The following RSRP1 variants were observed in gnomAD, a reference collection of about 807,000 sequenced individuals.
The protein encoded by RSRP1 is arginine/serine-rich protein 1.
Under a neutral mutation model 33.0 loss-of-function variants are expected in RSRP1, and 37 were observed. The ratio of observed to expected loss-of-function variants is 1.12; its 90% CI spans 0.86 to 1.48. The LOEUF (loss-of-function observed/expected upper bound fraction) is 1.48, where lower values mean the gene tolerates loss of function less well. Among genes scored for constraint, RSRP1 ranks in the 40% most tolerant of loss-of-function variants. The pLI, the probability that RSRP1 is intolerant of heterozygous loss-of-function variation, is 0.00. For synonymous variants in RSRP1, 167 were observed against 158.7 expected (o/e 1.05, Z -0.40); for missense variants, 402 against 385.3 (o/e 1.04, Z -0.36).
chr1:25,324,641 G>A (rs1400314580), intron 1 of RSRP1, among the ~76,000 whole-genome samples: 4 of 150,154 alleles, frequency 2.7e-5, no homozygotes, highest in South Asian at 2.1e-4. Flanking sequence ...CAACCACAAG[G>A]GAATGTGTGA....
At chr1:25,257,089 G>T (rs1639971906) in intron 1 of RSRP1, among the ~76,000 whole-genome samples, 1 of 152,172 alleles carries the variant, frequency 6.6e-6, no homozygotes, top group South Asian at 2.1e-4. Flanking sequence ...AAGTGGAACA[G>T]CTAGGTCGAA....
At position 25,270,087 on chromosome 1, in the gene RSRP1, G is replaced by A. The variant is rs1471345073; in HGVS notation, c.-66-23058C>T. Among the ~76,000 whole-genome samples the A allele has an allele frequency of 4.5e-5, 6 of 131,898 alleles. 2 individuals carry two copies. Among genetic ancestry groups the A allele is most frequent in the African/African-American group, 7.8e-5 (3 of 38,596 alleles). The allele number at this position is 131,898 out of a possible 152,430, so 86.5% of individuals were successfully genotyped here. On this transcript the variant is annotated intron_variant, in intron 1 of 1. Transcript: ENST00000561867. ...AGGTCACATCCATTTATCCCACTGC[G>A]CAGAGGAGTTCCTTCTCAGGAAACC... is the stretch of plus-strand genomic sequence containing the variant.
chr1:25,332,041 A>ATT lies in RSRP1; in HGVS notation c.-67+5935_-67+5936dup, dbSNP rs1270998323. Among the ~76,000 whole-genome samples, 32 of 94,806 alleles carry ATT rather than the reference A, an allele frequency of 3.4e-4. 1 individual carries two copies. The highest frequency in any genetic ancestry group is 1.0e-3 in the African/African-American group (29 of 28,080). 62.2% of individuals were successfully genotyped at this position (94,806 alleles called of 152,430 possible). A position where few individuals can be genotyped will look rare whatever the true frequency, so the allele number is the denominator to read the frequency against. On this transcript the variant is annotated intron_variant, in intron 1 of 1. Transcript: ENST00000561867. Reference sequence around the variant, plus strand: ...AGGCATGAGCCACCGCGCCCAGCAGATTTTTTTTTTTTTTTTTGAGATGGA... The same window carrying ATT: ...AGGCATGAGCCACCGCGCCCAGCAGATTTTTTTTTTTTTTTTTTTGAGATGGA...
intron 1 of RSRP1, chr1:25,337,091 T>G (rs1645093784): frequency 5.9e-6 from 1 of 169,544 alleles, no homozygotes; most frequent in South Asian, 1.6e-4. Context: ...TTCCTGGATC[T>G]CTCCCTTCAC....
intron 1 of RSRP1, among the ~76,000 whole-genome samples, chr1:25,330,737 T>C (rs2765572): frequency 2.3e-5 from 3 of 131,176 alleles, no homozygotes; most frequent in Non-Finnish European, 5.4e-5. Flanking sequence ...TGTATTAGTC[T>C]GCTTGGGCTA....
chr1:25,247,129 C>G, intron 1 of RSRP1, 100 bp from the exon 2 acceptor site: 3 of 751,800 alleles, frequency 4.0e-6, no homozygotes, highest in Non-Finnish European at 5.9e-6. Flanking sequence ...GGAGCCACGG[C>G]GCGGGCGGCG....
rs1334633828 is a variant in RSRP1 at position 25,277,824 on chromosome 1, G to A, written c.-66-30795C>T. 4.0e-5 allele frequency among the ~76,000 whole-genome samples: 5 copies of A among 124,080 alleles called. 1 individual carries two copies. The highest frequency in any genetic ancestry group is 9.5e-5 in the Non-Finnish European group (5 of 52,712). The allele number at this position is 124,080 out of a possible 152,430, so 81.4% of individuals were successfully genotyped here. A position where few individuals can be genotyped will look rare whatever the true frequency, so the allele number is the denominator to read the frequency against. ...CGAGTAGCTGGGATTACAGGCATGC[G>A]CCACCACGCCCGGCTAATTTTGTAT... On this transcript the variant is annotated intron_variant, in intron 1 of 1. Coordinates refer to the RSRP1 transcript ENST00000561867.
chr1:25,244,126 G>C, intron 3 of RSRP1: 1 of 1,282,602 alleles, frequency 7.8e-7, no homozygotes, highest in Non-Finnish European at 1.0e-6. Context: ...GAAAAGTACA[G>C]TGCAATTTGC....
intron 1 of RSRP1, among the ~76,000 whole-genome samples, chr1:25,268,505 T>C (rs1640393491): frequency 7.8e-6 from 1 of 129,010 alleles, no homozygotes; most frequent in African/African-American, 2.6e-5. Context: ...GGTGACAGAG[T>C]ACTCCGTCTA....
intron 1 of RSRP1, among the ~76,000 whole-genome samples, chr1:25,316,269 A>G (rs2427767): frequency 0.2 from 25,028 of 127,862 alleles, 7,068 homozygotes; most frequent in Admixed American, 0.28. Flanking sequence ...GCCAAGCTCT[A>G]CCCCACCCAC....
intron 2 of RSRP1, among the ~76,000 whole-genome samples, chr1:25,246,228 C>T (rs868069170): frequency 6.6e-6 from 1 of 152,182 alleles, no homozygotes; most frequent in East Asian, 1.9e-4. Context: ...AAAAAAAGTT[C>T]CCTACATCCT....
At chr1:25,284,579 A>T in intron 1 of RSRP1, 2 of 1,389,114 alleles carry the variant, frequency 1.4e-6, no homozygotes, top group Non-Finnish European at 2.0e-6. Flanking sequence ...GCAGTTGGCC[A>T]AGATCTGACC....
intron 1 of RSRP1, among the ~76,000 whole-genome samples, chr1:25,323,585 G>A (rs1254628587): frequency 1.6e-5 from 2 of 124,614 alleles, no homozygotes; most frequent in East Asian, 4.0e-4. Context: ...TCAGCCTCCT[G>A]AGTAGCTAGG....
chr1:25,257,941 G>C, intron 1 of RSRP1, among the ~76,000 whole-genome samples: 1 of 152,070 alleles, frequency 6.6e-6, no homozygotes, highest in East Asian at 1.9e-4. Flanking sequence ...AGACTTTGGG[G>C]AGCCATGAGT....
intron 1 of RSRP1, among the ~76,000 whole-genome samples, chr1:25,286,517 T>G (rs1642008941): frequency 7.4e-6 from 1 of 134,974 alleles, no homozygotes; most frequent in Non-Finnish European, 1.8e-5. Context: ...CCGGGCGCAG[T>G]GGTTCATGCC....
At chr1:25,258,749 G>T (rs1184516427) in intron 1 of RSRP1, among the ~76,000 whole-genome samples, 2 of 152,038 alleles carry the variant, frequency 1.3e-5, no homozygotes, top group Non-Finnish European at 2.9e-5. Context: ...AAAGCATAAA[G>T]AATTATCTTT....
chr1:25,286,421 T>C lies in RSRP1; in HGVS notation c.-66-39392A>G, dbSNP rs143947504. On this transcript the variant is annotated intron_variant, in intron 1 of 1. Transcript: ENST00000561867. ...GGAGGATCACCTGAACCCAGTGAGGTTGAGGCTGAGTGAGCCATGATCGTG... is the reference window on the plus strand; with the variant it reads ...GGAGGATCACCTGAACCCAGTGAGGCTGAGGCTGAGTGAGCCATGATCGTG... 3.0e-5 allele frequency among the ~76,000 whole-genome samples: 4 copies of C among 131,710 alleles called. 1 individual carries two copies. The highest frequency in any genetic ancestry group is 8.0e-5 in the African/African-American group (3 of 37,492). The allele number at this position is 131,710 out of a possible 152,430, so 86.4% of individuals were successfully genotyped here.
chr1:25,244,992 G>T, intron 3 of RSRP1, 158 bp downstream of exon 3: 1 of 1,518,262 alleles, frequency 6.6e-7, no homozygotes, highest in Admixed American at 2.0e-5. Flanking sequence ...CATTTTCATG[G>T]GTTTGACATT....
rs770267589 is a variant in RSRP1, at chr1:25,246,623, C to T, written c.341G>A (p.Arg114Gln). 6.2e-6 allele frequency: 10 copies of T among 1,614,092 alleles called. No individual in the cohort carries two copies. The highest frequency in any genetic ancestry group is 1.7e-5 in the Admixed American group (1 of 60,030). ...YYRSPSRYRS[R>Q]SRSRSRSRGR... is the part of the protein sequence containing the mutation. ...CCGAGAGCGCGACCTGCTACGGGAC[C>T]GGGACCGGTACCGCGAAGGAGACCG... is the stretch of plus-strand genomic sequence containing the variant. The change falls in exon 2 of 5, where the codon CGG becomes CAG. Residue 114 changes from arginine (R) to glutamine (Q), a missense_variant. Physicochemically the swap from Arg to Gln is conservative, Grantham distance 43. Transcript: ENST00000243189.
Sources: allele counts gnomAD v4.1 joint callset (sites outside exome capture counted in the v4.1 genomes callset), GRCh38; gene constraint gnomAD v4.1.1; transcripts MANE v1.5; gene names NCBI Gene and HGNC (gene_info 2026-07-23, HGNC 2026-07-21).